Variants in GPHN observed in about 807,000 individuals in gnomAD.
The protein encoded by GPHN is gephyrin.
GPHN carries 17 observed loss-of-function variants against 95.5 expected under a neutral mutation model. The ratio of observed to expected loss-of-function variants is 0.18; its 90% CI spans 0.12 to 0.27. The LOEUF is 0.27. Among genes scored for constraint, GPHN ranks in the 10% least tolerant of loss-of-function variants. The pLI, the probability that GPHN is intolerant of heterozygous loss-of-function variation, is 1.00. For missense variants in GPHN, 660 were observed against 978.1 expected, an observed-to-expected ratio of 0.67 and a Z score of 4.34; for synonymous variants, 320 against 322.5, an observed-to-expected ratio of 0.99 and a Z score of 0.08.
At chr14:66,703,426 T>C (rs2068752555) in intron 2 of GPHN, among the ~76,000 whole-genome samples, 1 of 152,128 alleles carries the variant, frequency 6.6e-6, no homozygotes, top group Non-Finnish European at 1.5e-5. Flanking sequence ...AGGAAGCCCG[T>C]TGGAATAATA....
the GPHN span, among the ~76,000 whole-genome samples, chr14:67,538,037 C>T: frequency 2.9e-3 from 436 of 152,216 alleles, 1 homozygote; most frequent in Non-Finnish European, 3.0e-3. Flanking sequence ...GTAATTTTAG[C>T]GGGGTATTGG....
At chr14:67,095,401 C>A (rs1316881745) in intron 12 of GPHN, among the ~76,000 whole-genome samples, 1 of 152,112 alleles carries the variant, frequency 6.6e-6, no homozygotes, top group Non-Finnish European at 1.5e-5. Flanking sequence ...ACTAGAAATA[C>A]CATTTGGCCC....
intron 1 of GPHN, among the ~76,000 whole-genome samples, chr14:66,659,277 T>C (rs562038973): frequency 3.3e-4 from 50 of 152,202 alleles, no homozygotes; most frequent in African/African-American, 1.2e-3. Context: ...CTGGTATGTT[T>C]CTGTTGTTTC....
chr14:66,582,324 C>T (rs1289839828), intron 1 of GPHN, among the ~76,000 whole-genome samples: 1 of 151,966 alleles, frequency 6.6e-6, no homozygotes, highest in African/African-American at 2.4e-5. Flanking sequence ...TTAAAAATAT[C>T]TTGAGACAAA....
At chr14:67,502,743 C>T in the GPHN span, among the ~76,000 whole-genome samples, 5 of 151,924 alleles carry the variant, frequency 3.3e-5, no homozygotes, top group South Asian at 2.1e-4. Flanking sequence ...TGAGCCACCG[C>T]GCCGGGCCCC....
At chr14:67,660,660 C>A in the GPHN span, among the ~76,000 whole-genome samples, 110 of 152,296 alleles carry the variant, frequency 7.2e-4, no homozygotes, top group Middle Eastern at 0.01. Flanking sequence ...GAGCAGTCTG[C>A]TTTAGGGGAA....
chr14:66,535,650 G>A (rs2059117853), intron 1 of GPHN, among the ~76,000 whole-genome samples: 2 of 152,064 alleles, frequency 1.3e-5, no homozygotes, highest in Admixed American at 6.5e-5. Flanking sequence ...AGTATTTTTT[G>A]GTTTACAATG....
the GPHN span, chr14:67,381,800 G>C: frequency 1.4e-6 from 1 of 719,864 alleles, no homozygotes; most frequent in Non-Finnish European, 2.3e-6. Flanking sequence ...ACAAAAGTGG[G>C]TTTTTTACTC....
chr14:67,692,690 A>G, the GPHN span: 1 of 1,400,600 alleles, frequency 7.1e-7, no homozygotes, highest in Non-Finnish European at 9.7e-7. Flanking sequence ...AAAAACACAC[A>G]TTTTTACCCT....
At chr14:67,457,616 C>T in the GPHN span, among the ~76,000 whole-genome samples, 5 of 152,238 alleles carry the variant, frequency 3.3e-5, no homozygotes, top group East Asian at 7.7e-4. Context: ...TAAAACCAAA[C>T]CAAACAAACA....
At chr14:66,792,380 G>A (rs1158318910) in intron 3 of GPHN, among the ~76,000 whole-genome samples, 1 of 151,908 alleles carries the variant, frequency 6.6e-6, no homozygotes, top group Non-Finnish European at 1.5e-5. Flanking sequence ...AGGCATGTTA[G>A]TGCACAACTG....
chr14:67,373,716 T>G, the GPHN span, among the ~76,000 whole-genome samples: 1 of 152,124 alleles, frequency 6.6e-6, no homozygotes, highest in African/African-American at 2.4e-5. Flanking sequence ...TGGGGGGCGC[T>G]GTGGGAAAGA....
chr14:67,381,807 A>C, the GPHN span: 5 of 670,650 alleles, frequency 7.5e-6, no homozygotes, highest in Admixed American at 8.7e-5. Flanking sequence ...TGGGTTTTTT[A>C]CTCTTAAAAT....
At chr14:66,839,880 T>C (rs1402038275) in intron 4 of GPHN, among the ~76,000 whole-genome samples, 1 of 152,194 alleles carries the variant, frequency 6.6e-6, no homozygotes, top group Non-Finnish European at 1.5e-5. Flanking sequence ...ACTGGTATTG[T>C]ACTTTGTCCT....
chr14:66,644,010 C>G (rs1220949376), intron 1 of GPHN, among the ~76,000 whole-genome samples: 1 of 151,898 alleles, frequency 6.6e-6, no homozygotes, highest in Non-Finnish European at 1.5e-5. Flanking sequence ...GATTTATTTA[C>G]AAGTGATAGC....
At chr14:66,778,497 CATAAT>C (rs1410508929) in intron 3 of GPHN, among the ~76,000 whole-genome samples, 6 of 152,138 alleles carry the variant, frequency 3.9e-5, no homozygotes, top group African/African-American at 4.8e-5. Context: ...AATTTTCTAA[CATAAT>C]ATGTTGTTCT....
the GPHN span, chr14:67,685,956 G>C: frequency 6.6e-6 from 1 of 152,104 alleles, no homozygotes; most frequent in Non-Finnish European, 1.5e-5. Context: ...GCCACTTCTG[G>C]TTTTCCTAAC....
At chr14:67,094,121 TAAAG>T (rs1321769809) in intron 12 of GPHN, among the ~76,000 whole-genome samples, 2 of 152,112 alleles carry the variant, frequency 1.3e-5, no homozygotes, top group South Asian at 2.1e-4. Context: ...TCAAGAGACT[TAAAG>T]AAAGATCACT....
intron 9 of GPHN, among the ~76,000 whole-genome samples, chr14:67,012,579 C>T (rs1034862096): frequency 8.6e-5 from 13 of 152,040 alleles, no homozygotes; most frequent in African/African-American, 9.7e-5. Flanking sequence ...GTCTGGATTT[C>T]GGTAGTTTGT....
Sources: allele counts gnomAD v4.1 joint callset (sites outside exome capture counted in the v4.1 genomes callset), GRCh38; gene constraint gnomAD v4.1.1; transcripts MANE v1.5; gene names NCBI Gene and HGNC (gene_info 2026-07-23, HGNC 2026-07-21).